PPP1R37: variants seen among roughly 807,000 people sequenced by gnomAD.
The protein encoded by PPP1R37 is leucine rich repeat containing 68.
A neutral mutation model predicts 61.0 loss-of-function variants in PPP1R37; 21 were observed. That is an observed-to-expected ratio of 0.34 (90% CI 0.24 to 0.50). The LOEUF (loss-of-function observed/expected upper bound fraction) is 0.50, where lower values mean the gene tolerates loss of function less well. PPP1R37 is among the 20% of genes least tolerant of loss of function. PPP1R37 has a pLI of 0.98. For missense variants in PPP1R37, 910 were observed against 952.7 expected (o/e 0.96, Z 0.59); for synonymous variants, 443 against 433.5 (o/e 1.02, Z -0.27).
At chr19:45,112,016 TGG>T (rs1452586975) in intron 1 of PPP1R37, among the ~76,000 whole-genome samples, 2 of 152,008 alleles carry the variant, frequency 1.3e-5, no homozygotes, top group African/African-American at 4.8e-5. Context: ...TCGTCCAGGC[TGG>T]AGTGCAGTGG....
In PPP1R37 at chr19:45,144,841, C is replaced by T. The variant is rs1388149791; in HGVS notation, c.988-13C>T. ...CACGGCCTCCTCCTCACCCTCACAC[C>T]CCCTCCCTCCAGCCGCACACTCAGA... On this transcript the variant is annotated splice_polypyrimidine_tract_variant and intron_variant, in intron 8 of 12. Transcript: ENST00000221462. 3.3e-6 allele frequency: 5 copies of T among 1,523,804 alleles called. No homozygotes were observed. The highest frequency in any genetic ancestry group is 4.4e-6 in the Non-Finnish European group (5 of 1,139,334). 94.4% of individuals were successfully genotyped at this position (1,523,804 alleles called of 1,614,324 possible). A position where few individuals can be genotyped will look rare whatever the true frequency, so the allele number is the denominator to read the frequency against.
intron 1 of PPP1R37, among the ~76,000 whole-genome samples, chr19:45,094,548 G>A (rs916442813): frequency 1.1e-4 from 16 of 152,142 alleles, no homozygotes; most frequent in African/African-American, 3.9e-4. Flanking sequence ...CCAACATGGG[G>A]AAACCCCGTC....
chr19:45,133,092 C>T (rs926731694), intron 1 of PPP1R37, among the ~76,000 whole-genome samples: 6 of 151,766 alleles, frequency 4.0e-5, no homozygotes, highest in African/African-American at 1.5e-4. Context: ...TTTGTGTGTC[C>T]GTGAGAAGGA....
At chr19:45,132,561 G>A (rs1346235686) in intron 1 of PPP1R37, among the ~76,000 whole-genome samples, 2 of 151,622 alleles carry the variant, frequency 1.3e-5, no homozygotes, top group African/African-American at 4.8e-5. Flanking sequence ...TCAGCCTCCC[G>A]AGTAGCTGGG....
chr19:45,142,541 C>A, intron 7 of PPP1R37, 83 bp downstream of exon 7: 1 of 1,382,524 alleles, frequency 7.2e-7, no homozygotes, highest in Non-Finnish European at 9.8e-7. Flanking sequence ...GCTGGGGACA[C>A]AGACATGGCC....
Position 45,126,957 on chromosome 19 carries a change from T to A in PPP1R37, c.203-11557T>A, listed in dbSNP as rs185990547. Among the ~76,000 whole-genome samples, 305 of 152,352 alleles carry A rather than the reference T, an allele frequency of 2.0e-3. 1 individual carries two copies. The highest frequency in any genetic ancestry group is 7.1e-3 in the African/African-American group (294 of 41,572). On this transcript the variant is annotated intron_variant, in intron 1 of 12. Coordinates refer to ENST00000221462, the MANE Select transcript of PPP1R37 (RefSeq NM_019121.2). ...TTCTTTCACCTTAATGTGTGAGTTG[T>A]GTAGTAATACGGTCCTATATCACTT...
At chr19:45,140,467 A>G (rs1968596310) in intron 3 of PPP1R37, 39 bp from the exon 4 acceptor site, 2 of 1,474,668 alleles carry the variant, frequency 1.4e-6, no homozygotes, top group Middle Eastern at 1.7e-4. Flanking sequence ...GCAAAGGTGC[A>G]CTGTCTTAGA....
chr19:45,141,171 C>A, intron 4 of PPP1R37, 151 bp from the exon 5 acceptor site: 1 of 814,348 alleles, frequency 1.2e-6, no homozygotes, highest in Non-Finnish European at 1.8e-6. Flanking sequence ...CCGTGGCTCA[C>A]GGGGCCCTGT....
chr19:45,099,603 C>T (rs1438216208), intron 1 of PPP1R37, among the ~76,000 whole-genome samples: 1 of 152,248 alleles, frequency 6.6e-6, no homozygotes, highest in East Asian at 1.9e-4. Context: ...TCGCCGCTCT[C>T]CGTGCCTGTA....
intron 1 of PPP1R37, among the ~76,000 whole-genome samples, chr19:45,114,806 A>G (rs1163213170): frequency 1.3e-5 from 2 of 148,530 alleles, no homozygotes; most frequent in Non-Finnish European, 3.0e-5. Flanking sequence ...TAAAAAATTA[A>G]ATTTTCGGAA....
intron 1 of PPP1R37, among the ~76,000 whole-genome samples, chr19:45,106,486 C>T (rs1968132615): frequency 6.6e-6 from 1 of 152,010 alleles, no homozygotes; most frequent in Admixed American, 6.5e-5. Flanking sequence ...TCAAATGATC[C>T]ACCCGCCTCG....
chr19:45,141,172 G>A (rs1050375072), intron 4 of PPP1R37, 150 bp from the exon 5 acceptor site: 6 of 817,050 alleles, frequency 7.3e-6, no homozygotes, highest in South Asian at 4.2e-5. Flanking sequence ...CGTGGCTCAC[G>A]GGGCCCTGTC....
chr19:45,118,274 G>A (rs1345934441), intron 1 of PPP1R37, among the ~76,000 whole-genome samples: 1 of 152,212 alleles, frequency 6.6e-6, no homozygotes, highest in Non-Finnish European at 1.5e-5. Context: ...AGTGCAGAGT[G>A]GGTGGGAAGC....
intron 1 of PPP1R37, among the ~76,000 whole-genome samples, chr19:45,128,122 G>A (rs1968432169): frequency 6.6e-6 from 1 of 151,940 alleles, no homozygotes; most frequent in African/African-American, 2.4e-5. Flanking sequence ...TTTAAAAAAT[G>A]TATATAGAGA....
intron 1 of PPP1R37, among the ~76,000 whole-genome samples, chr19:45,123,521 T>A (rs900163375): frequency 1.3e-5 from 2 of 152,322 alleles, no homozygotes; most frequent in Middle Eastern, 3.4e-3. Flanking sequence ...GCCTGAGGGC[T>A]TCAGGGTACT....
At position 45,093,432 on chromosome 19, in the gene PPP1R37, A is replaced by G; in HGVS notation, c.107A>G (p.Asp36Gly). The change falls in exon 1 of 13, where the codon GAT (aspartate) becomes GGT (glycine). Residue 36 changes from aspartate to glycine, a missense_variant. Asp to Gly is a moderately conservative substitution (Grantham distance 94). Coordinates refer to ENST00000221462, the MANE Select transcript of PPP1R37 (RefSeq NM_019121.2). ...CCCAGCCCCGCGTCGCCCCCCGCCG[A>G]TGGGCGCCTCAAGGCTGCAGCCAAG... ...GSPSPASPPA[D>G]GRLKAAAKRV... is the part of the protein sequence containing the mutation. 1 of 1,534,912 alleles carries G rather than the reference A, an allele frequency of 6.5e-7. No homozygotes were observed. Among genetic ancestry groups the G allele is most frequent in the Non-Finnish European group, 8.7e-7 (1 of 1,146,464 alleles).
chr19:45,126,135 T>A (rs528683847), intron 1 of PPP1R37, among the ~76,000 whole-genome samples: 2 of 152,292 alleles, frequency 1.3e-5, no homozygotes, highest in South Asian at 4.2e-4. Context: ...TGAGACGCTG[T>A]CCCACATGGG....
Position 45,145,517 on chromosome 19 carries a change from G to A in PPP1R37, c.1461G>A (p.Glu487=). The A allele has an allele frequency of 6.5e-7, 1 of 1,533,994 alleles. No homozygotes were observed. Among genetic ancestry groups the A allele is most frequent in the Non-Finnish European group, 8.7e-7 (1 of 1,145,960 alleles). Residue 487 remains glutamate, a synonymous_variant, in exon 11 of 13, where the codon GAG becomes GAA. Coordinates refer to ENST00000221462, the MANE Select transcript of PPP1R37 (RefSeq NM_019121.2). ...TTATEPQPDD[E]PAAGVQNGAP... is the part of the protein sequence containing the mutation. ...CCACCGAGCCCCAGCCCGACGACGA[G>A]CCCGCCGCTGGGGTGCAGAACGGGG...
intron 1 of PPP1R37, among the ~76,000 whole-genome samples, chr19:45,119,091 C>A (rs927150104): frequency 6.6e-6 from 1 of 151,896 alleles, no homozygotes; most frequent in African/African-American, 2.4e-5. Flanking sequence ...TGGGTTCAAG[C>A]GATTCTCCTG....
Sources: gnomAD v4.1 joint callset for allele counts (sites outside exome capture counted in the v4.1 genomes callset) on GRCh38, gnomAD v4.1.1 for gene constraint, MANE v1.5 for transcripts, NCBI Gene and HGNC (gene_info 2026-07-23, HGNC 2026-07-21) for gene names.